The following EYA4 variants were observed in gnomAD, a reference collection of about 807,000 sequenced individuals.
The protein encoded by EYA4 is EYA transcriptional coactivator and phosphatase 4.
EYA4 carries 31 observed loss-of-function variants against 87.9 expected under a neutral mutation model. The observed-to-expected ratio is 0.35, with a 90% CI of 0.27 to 0.48. The LOEUF (loss-of-function observed/expected upper bound fraction) is 0.48, where lower values mean the gene tolerates loss of function less well. Ranked by LOEUF, EYA4 falls within the 20% of genes least tolerant of loss-of-function variation. The pLI, the probability that EYA4 is intolerant of heterozygous loss-of-function variation, is 0.99. For synonymous variants in EYA4, 263 were observed against 270.6 expected (o/e 0.97, Z 0.28); for missense variants, 678 against 761.4 (o/e 0.89, Z 1.29).
intron 3 of EYA4, among the ~76,000 whole-genome samples, chr6:133,393,903 G>A (rs1468992463): frequency 6.6e-6 from 1 of 152,118 alleles, no homozygotes; most frequent in East Asian, 1.9e-4. Context: ...TTTTTCTAAA[G>A]TAGTGTTCTT....
intron 1 of EYA4, among the ~76,000 whole-genome samples, chr6:133,249,577 A>G (rs1774715788): frequency 6.6e-6 from 1 of 152,004 alleles, no homozygotes; most frequent in Non-Finnish European, 1.5e-5. Flanking sequence ...CTCACTCCCC[A>G]CTCACAACAA....
At chr6:133,324,206 G>A (rs1781315711) in intron 2 of EYA4, among the ~76,000 whole-genome samples, 1 of 152,076 alleles carries the variant, frequency 6.6e-6, no homozygotes, top group Non-Finnish European at 1.5e-5. Flanking sequence ...ATGAGGGAAA[G>A]CACATGAATT....
intron 5 of EYA4, among the ~76,000 whole-genome samples, chr6:133,455,964 A>G (rs1008994802): frequency 9.2e-5 from 14 of 152,128 alleles, no homozygotes; most frequent in African/African-American, 3.1e-4. Context: ...TGTAGAAGTC[A>G]TCTCTTTTTC....
chr6:133,421,524 C>T lies in EYA4; in HGVS notation c.84-25106C>T, dbSNP rs904138194. Among the ~76,000 whole-genome samples the T allele has an allele frequency of 9.8e-5, 15 of 152,298 alleles. No individual in the cohort carries two copies. The East Asian group carries it at 2.9e-3, about 29-fold the overall frequency. ...ATGAGTTCTCAAGAGTAGCCTTAGA[C>T]ATTGTGCATTTCCGTGTCTTGATAT... is the stretch of plus-strand genomic sequence containing the variant. On this transcript the variant is annotated intron_variant, in intron 3 of 19. Transcript: ENST00000355286.
At chr6:133,392,533 A>G (rs1583156987) in intron 3 of EYA4, among the ~76,000 whole-genome samples, 2 of 152,160 alleles carry the variant, frequency 1.3e-5, no homozygotes, top group East Asian at 3.9e-4. Flanking sequence ...GAGACCAGCT[A>G]TGAAACTTAC....
intron 1 of EYA4, among the ~76,000 whole-genome samples, chr6:133,267,832 T>G (rs530105894): frequency 6.6e-6 from 1 of 152,322 alleles, no homozygotes; most frequent in African/African-American, 2.4e-5. Context: ...CGAGTTTTTT[T>G]GGGGAAAGGT....
At chr6:133,287,188 G>A (rs967362401) in intron 2 of EYA4, among the ~76,000 whole-genome samples, 5 of 152,124 alleles carry the variant, frequency 3.3e-5, no homozygotes, top group Admixed American at 6.6e-5. Flanking sequence ...TGAGGGAACT[G>A]CAATGAAAAG....
At chr6:133,425,373 A>G (rs938892089) in intron 3 of EYA4, among the ~76,000 whole-genome samples, 2 of 150,444 alleles carry the variant, frequency 1.3e-5, no homozygotes, top group Non-Finnish European at 2.9e-5. Context: ...AAGTGCACAG[A>G]GCAGTTGACC....
At chr6:133,390,908 G>T (rs540110305) in intron 3 of EYA4, among the ~76,000 whole-genome samples, 2 of 152,254 alleles carry the variant, frequency 1.3e-5, no homozygotes, top group Admixed American at 6.5e-5. Context: ...GGCTATAGCT[G>T]AATGTCAAAG....
intron 3 of EYA4, among the ~76,000 whole-genome samples, chr6:133,412,522 A>T (rs74479039): frequency 6.6e-6 from 1 of 151,900 alleles, no homozygotes; most frequent in African/African-American, 2.4e-5. Context: ...TAATGTATGT[A>T]TTTTTTGTGT....
chr6:133,501,759 C>T (rs960117872), intron 13 of EYA4, among the ~76,000 whole-genome samples: 5 of 151,418 alleles, frequency 3.3e-5, no homozygotes, highest in Non-Finnish European at 5.9e-5. Context: ...CAAAAAAAAA[C>T]GTCCTTAGTT....
chr6:133,254,557 G>A (rs1178172639), intron 1 of EYA4, among the ~76,000 whole-genome samples: 1 of 151,960 alleles, frequency 6.6e-6, no homozygotes, highest in African/African-American at 2.4e-5. Flanking sequence ...TATTTAGGGG[G>A]GAAAGTCTTC....
chr6:133,369,077 T>C (rs1785071156), intron 2 of EYA4, among the ~76,000 whole-genome samples: 1 of 152,230 alleles, frequency 6.6e-6, no homozygotes, highest in African/African-American at 2.4e-5. Flanking sequence ...CAGGAAATGC[T>C]ACACTGAAAT....
chr6:133,494,663 C>A (rs1373379911), intron 13 of EYA4, among the ~76,000 whole-genome samples: 1 of 143,744 alleles, frequency 7.0e-6, no homozygotes, highest in Non-Finnish European at 1.5e-5. Flanking sequence ...CATAGTGAGA[C>A]CCTGCCTCTA....
chr6:133,437,357 A>C (rs901703415), intron 3 of EYA4, among the ~76,000 whole-genome samples: 1 of 152,158 alleles, frequency 6.6e-6, no homozygotes, highest in African/African-American at 2.4e-5. Flanking sequence ...AAATTGATAG[A>C]AACAGTCTGA....
chr6:133,285,704 T>C (rs889726105), intron 2 of EYA4, among the ~76,000 whole-genome samples: 9 of 152,236 alleles, frequency 5.9e-5, no homozygotes, highest in African/African-American at 2.2e-4. Context: ...CTATTTTAAC[T>C]ATCCAGATGA....
At chr6:133,406,186 G>C (rs962883284) in intron 3 of EYA4, among the ~76,000 whole-genome samples, 2 of 152,120 alleles carry the variant, frequency 1.3e-5, no homozygotes, top group African/African-American at 4.8e-5. Flanking sequence ...TTCTATCTTA[G>C]GTATTTTAAG....
chr6:133,440,892 A>G (rs1039328451), intron 3 of EYA4, among the ~76,000 whole-genome samples: 1 of 152,216 alleles, frequency 6.6e-6, no homozygotes, highest in African/African-American at 2.4e-5. Context: ...CAGAAATCAC[A>G]TATAACTTTA....
At chr6:133,245,413 A>T (rs1774325959) in intron 1 of EYA4, among the ~76,000 whole-genome samples, 1 of 152,192 alleles carries the variant, frequency 6.6e-6, no homozygotes, top group African/African-American at 2.4e-5. Flanking sequence ...AATGGATATT[A>T]TTCTTACATG....
Sources: allele counts gnomAD v4.1 joint callset (sites outside exome capture counted in the v4.1 genomes callset), GRCh38; gene constraint gnomAD v4.1.1; transcripts MANE v1.5; gene names NCBI Gene and HGNC (gene_info 2026-07-23, HGNC 2026-07-21).